Variants in SYN2 observed in about 807,000 individuals in gnomAD.
The protein encoded by SYN2 is synapsin-2.
A neutral mutation model predicts 50.9 loss-of-function variants in SYN2; 19 were observed. That is an observed-to-expected ratio of 0.37 (90% CI 0.26 to 0.55). The LOEUF (loss-of-function observed/expected upper bound fraction) is 0.55, where lower values mean the gene tolerates loss of function less well. Among genes scored for constraint, SYN2 ranks in the 20% least tolerant of loss-of-function variants. The pLI, the probability that SYN2 is intolerant of heterozygous loss-of-function variation, is 0.81. For missense variants in SYN2, 587 were observed against 576.4 expected (o/e 1.02, Z -0.19); for synonymous variants, 255 against 224.9 (o/e 1.13, Z -1.20).
intron 1 of SYN2, among the ~76,000 whole-genome samples, chr3:12,025,788 T>C (rs1694246335): frequency 6.6e-6 from 1 of 152,078 alleles, no homozygotes; most frequent in Non-Finnish European, 1.5e-5. Flanking sequence ...CCCCCTACCC[T>C]GTGCCTTCTC....
At chr3:12,059,366 G>A (rs1425014856) in intron 1 of SYN2, among the ~76,000 whole-genome samples, 2 of 151,972 alleles carry the variant, frequency 1.3e-5, no homozygotes, top group Non-Finnish European at 2.9e-5. Flanking sequence ...GTCATAGGTG[G>A]ATTCAAACAT....
In SYN2 at chr3:12,004,493, G is replaced by A; in HGVS notation, c.-59G>A. On this transcript the variant is annotated 5_prime_UTR_variant, in exon 1 of 13. Transcript: ENST00000621198. ...CGCCTCAATCTCGCCTTCCGCCCTC[G>A]CTCTCCCTCCGCGCCACCAGACCCC... is the stretch of plus-strand genomic sequence containing the variant. The A allele has an allele frequency of 2.3e-6, 1 of 440,786 alleles. No individual in the cohort carries two copies. The highest frequency in any genetic ancestry group is 3.8e-5 in the Admixed American group (1 of 26,368). The allele number at this position is 440,786 out of a possible 1,614,324, so 27.3% of individuals were successfully genotyped here.
chr3:12,145,832 GGTGGTGA>G lies in SYN2; in HGVS notation c.684+1_684+7del. 1 of 1,613,866 alleles carries G rather than the reference GGTGGTGA, an allele frequency of 6.2e-7. No individual in the cohort carries two copies. Among genetic ancestry groups the G allele is most frequent in the Non-Finnish European group, 8.5e-7 (1 of 1,179,834 alleles). On this transcript the variant is annotated splice_donor_variant and splice_donor_region_variant and coding_sequence_variant and intron_variant, in exon 4 of 13. Coordinates refer to ENST00000621198, the MANE Select transcript of SYN2 (RefSeq NM_133625.6). LOFTEE classifies it high-confidence loss of function. The stretch of plus-strand genomic sequence containing the variant: ...TATACAACTTCTGTGACAAGCCATG[GGTGGTGA>G]GTGAGGCCCCCTTCCCCCAAGTAAA...
intron 5 of SYN2, among the ~76,000 whole-genome samples, chr3:12,154,742 C>A (rs1045486945): frequency 6.6e-6 from 1 of 152,114 alleles, no homozygotes; most frequent in African/African-American, 2.4e-5. Flanking sequence ...TGTGTGGGAT[C>A]CCCCTTTCTT....
chr3:12,174,849 C>T (rs1698027095), intron 10 of SYN2, among the ~76,000 whole-genome samples: 2 of 152,238 alleles, frequency 1.3e-5, no homozygotes, highest in Non-Finnish European at 2.9e-5. Context: ...GCCACCTACT[C>T]ACTGGCTACC....
intron 1 of SYN2, among the ~76,000 whole-genome samples, chr3:12,052,792 G>A (rs1335729731): frequency 2.0e-5 from 3 of 152,170 alleles, no homozygotes; most frequent in African/African-American, 7.2e-5. Flanking sequence ...TTAGGCCAAA[G>A]CATCATAACA....
At chr3:12,123,748 T>G (rs1235696981) in intron 1 of SYN2, among the ~76,000 whole-genome samples, 1 of 152,088 alleles carries the variant, frequency 6.6e-6, no homozygotes, top group African/African-American at 2.4e-5. Flanking sequence ...AGGAGTTTGA[T>G]GCCTGTAATC....
chr3:12,118,660 G>C (rs565927181), intron 1 of SYN2, among the ~76,000 whole-genome samples: 1 of 152,256 alleles, frequency 6.6e-6, no homozygotes, highest in South Asian at 2.1e-4. Flanking sequence ...TTTTGGTAGA[G>C]TATGAAGAAG....
chr3:12,026,930 A>G (rs1457173165), intron 1 of SYN2, among the ~76,000 whole-genome samples: 1 of 152,214 alleles, frequency 6.6e-6, no homozygotes, highest in African/African-American at 2.4e-5. Context: ...AAGTGATTCC[A>G]GTTAGAGCCT....
rs554098928 is a variant in SYN2 at position 12,169,155 on chromosome 3, T to C, written c.1159-602T>C. Among the ~76,000 whole-genome samples, 3 of 152,318 alleles carry C rather than the reference T, an allele frequency of 2.0e-5. No homozygotes were observed. The East Asian group carries it at 5.8e-4, about 29-fold the overall frequency. ...CCTCTCCTCGCTAGGTGGGCCTCTG[T>C]TTTCTCATCCATAATTGAGAAAGTT... On this transcript the variant is annotated intron_variant, in intron 9 of 12. Coordinates refer to ENST00000621198, the MANE Select transcript of SYN2 (RefSeq NM_133625.6).
intron 1 of SYN2, among the ~76,000 whole-genome samples, chr3:12,008,252 G>T (rs1397432323): frequency 6.6e-6 from 1 of 152,138 alleles, no homozygotes; most frequent in Non-Finnish European, 1.5e-5. Flanking sequence ...TTCAGTGTTT[G>T]ATTCAGTATA....
chr3:12,123,493 G>T (rs532702102), intron 1 of SYN2, among the ~76,000 whole-genome samples: 1 of 152,206 alleles, frequency 6.6e-6, no homozygotes, highest in Non-Finnish European at 1.5e-5. Flanking sequence ...GTAAAGCTGG[G>T]TATGGTGGCA....
chr3:12,097,015 A>G (rs1423753329), intron 1 of SYN2, among the ~76,000 whole-genome samples: 3 of 152,308 alleles, frequency 2.0e-5, no homozygotes, highest in Non-Finnish European at 2.9e-5. Context: ...CTGATGAAAT[A>G]CAAGAATTTA....
intron 11 of SYN2, chr3:12,184,897 C>T: frequency 1.0e-6 from 1 of 985,636 alleles, no homozygotes; most frequent in Non-Finnish European, 1.2e-6. Flanking sequence ...AGAAATGCTG[C>T]TGGCTCTATT....
chr3:12,103,277 A>G (rs571129476), intron 1 of SYN2, among the ~76,000 whole-genome samples: 1 of 152,308 alleles, frequency 6.6e-6, no homozygotes, highest in African/African-American at 2.4e-5. Context: ...AAGGAACTTA[A>G]GGAATAAGGA....
intron 1 of SYN2, among the ~76,000 whole-genome samples, chr3:12,075,370 G>A (rs1695446749): frequency 6.6e-6 from 1 of 152,264 alleles, no homozygotes; most frequent in South Asian, 2.1e-4. Context: ...TATATTAAAT[G>A]CTTAGATAAT....
intron 10 of SYN2, among the ~76,000 whole-genome samples, chr3:12,173,188 C>A (rs981109121): frequency 5.9e-5 from 9 of 152,152 alleles, no homozygotes; most frequent in Non-Finnish European, 2.9e-5. Flanking sequence ...CAATAGTTGG[C>A]CACACTTGTC....
At chr3:12,058,872 C>G (rs1695054038) in intron 1 of SYN2, among the ~76,000 whole-genome samples, 1 of 152,216 alleles carries the variant, frequency 6.6e-6, no homozygotes, top group Admixed American at 6.5e-5. Context: ...CTGGTTCCAG[C>G]TGTTTTCTCT....
At chr3:12,105,165 A>G (rs894024463) in intron 1 of SYN2, among the ~76,000 whole-genome samples, 4 of 152,134 alleles carry the variant, frequency 2.6e-5, no homozygotes, top group African/African-American at 9.7e-5. Context: ...ACTCTAAATT[A>G]GAAGAATGTC....
Sources: gnomAD v4.1 joint callset for allele counts (sites outside exome capture counted in the v4.1 genomes callset) on GRCh38, gnomAD v4.1.1 for gene constraint, MANE v1.5 for transcripts, NCBI Gene and HGNC (gene_info 2026-07-23, HGNC 2026-07-21) for gene names.